The following UNC5D variants were observed in gnomAD, a reference collection of about 807,000 sequenced individuals.
UNC5D encodes unc-5 netrin receptor D, also known as netrin receptor UNC5D.
In UNC5D, 39 loss-of-function variants were observed where a neutral mutation model predicts 105.4. The observed-to-expected ratio is 0.37, with a 90% CI of 0.29 to 0.48. The LOEUF is 0.48. UNC5D is among the 20% of genes least tolerant of loss of function. UNC5D has a pLI of 0.98. For synonymous variants in UNC5D, 452 were observed against 450.4 expected, an observed-to-expected ratio of 1.00 and a Z score of -0.04; for missense variants, 991 against 1,202.4, an observed-to-expected ratio of 0.82 and a Z score of 2.60.
At chr8:35,262,920 C>T (rs1281963000) in intron 1 of UNC5D, among the ~76,000 whole-genome samples, 4 of 152,124 alleles carry the variant, frequency 2.6e-5, no homozygotes, top group Non-Finnish European at 5.9e-5. Flanking sequence ...CTAAAAGCCT[C>T]TTGTTATTTT....
At chr8:35,356,715 C>A (rs962555017) in intron 1 of UNC5D, among the ~76,000 whole-genome samples, 13 of 151,858 alleles carry the variant, frequency 8.6e-5, no homozygotes, top group African/African-American at 3.1e-4. Context: ...ATGGCCAATC[C>A]AAATTGCCTG....
chr8:35,470,667 G>T (rs1333286101), intron 1 of UNC5D, among the ~76,000 whole-genome samples: 5 of 151,128 alleles, frequency 3.3e-5, no homozygotes, highest in Non-Finnish European at 5.9e-5. Flanking sequence ...TACTTGGGAG[G>T]TTGAGGTGGG....
chr8:35,411,228 C>T (rs1262566593), intron 1 of UNC5D, among the ~76,000 whole-genome samples: 1 of 152,046 alleles, frequency 6.6e-6, no homozygotes, highest in African/African-American at 2.4e-5. Context: ...TTGTTTTTAT[C>T]TTGGTGTAAA....
rs569305846 is a variant in UNC5D, at chr8:35,510,554, C to T, written c.104-38738C>T. ...GAGGTTGTAATAAATAGCCTCTTAC[C>T]ACCTCTGCCTCATGAGGTGGCCCTG... On this transcript the variant is annotated intron_variant, in intron 1 of 16. Coordinates refer to ENST00000404895, the MANE Select transcript of UNC5D (RefSeq NM_080872.4). 3.3e-5 allele frequency among the ~76,000 whole-genome samples: 5 copies of T among 152,162 alleles called. No individual in the cohort carries two copies. In the East Asian group the frequency reaches 9.7e-4, roughly 29 times the overall value.
chr8:35,320,534 G>A (rs1528725), intron 1 of UNC5D, among the ~76,000 whole-genome samples: 136,017 of 152,144 alleles, frequency 0.89, 60,852 homozygotes, highest in East Asian at 1. Context: ...ACAGGTTTGC[G>A]TGGCCATTTC....
chr8:35,276,250 T>C (rs1805771518), intron 1 of UNC5D, among the ~76,000 whole-genome samples: 1 of 152,208 alleles, frequency 6.6e-6, no homozygotes, highest in Non-Finnish European at 1.5e-5. Flanking sequence ...TATTGACATA[T>C]AATAGATCAA....
intron 4 of UNC5D, among the ~76,000 whole-genome samples, chr8:35,673,459 A>C (rs1258127813): frequency 1.3e-5 from 2 of 152,230 alleles, no homozygotes; most frequent in Non-Finnish European, 2.9e-5. Context: ...GACGCCTAAG[A>C]AAATGGCTAA....
chr8:35,564,395 G>A (rs1004165653), intron 2 of UNC5D, among the ~76,000 whole-genome samples: 1 of 152,114 alleles, frequency 6.6e-6, no homozygotes, highest in Non-Finnish European at 1.5e-5. Context: ...GAATATTGAA[G>A]TCGCTTTACC....
intron 1 of UNC5D, among the ~76,000 whole-genome samples, chr8:35,245,746 T>C (rs1372399180): frequency 1.3e-5 from 2 of 152,098 alleles, no homozygotes; most frequent in African/African-American, 2.4e-5. Flanking sequence ...GAGAAGACCA[T>C]TGTAGAGTCA....
chr8:35,514,711 C>A (rs1393574303), intron 1 of UNC5D, among the ~76,000 whole-genome samples: 1 of 152,198 alleles, frequency 6.6e-6, no homozygotes, highest in Non-Finnish European at 1.5e-5. Context: ...AAGAAATCAA[C>A]ATTTTAAAAT....
intron 4 of UNC5D, among the ~76,000 whole-genome samples, chr8:35,595,989 G>A (rs763914075): frequency 6.6e-5 from 10 of 152,270 alleles, no homozygotes; most frequent in Admixed American, 4.6e-4. Flanking sequence ...ATTGGCTTAT[G>A]GAACAAATCT....
intron 16 of UNC5D, among the ~76,000 whole-genome samples, chr8:35,782,968 C>G (rs1204919362): frequency 1.3e-5 from 2 of 151,888 alleles, no homozygotes; most frequent in Non-Finnish European, 2.9e-5. Context: ...GACCCCATAT[C>G]TACCAAAAAT....
chr8:35,618,377 A>T (rs1285793824), intron 4 of UNC5D, among the ~76,000 whole-genome samples: 1 of 152,228 alleles, frequency 6.6e-6, no homozygotes, highest in Non-Finnish European at 1.5e-5. Flanking sequence ...AGTTTTAATT[A>T]ACTCATAAGA....
chr8:35,790,739 G>A lies in UNC5D; in HGVS notation c.*176G>A. Reference sequence around the variant, plus strand: ...ATAGGTAAAACATGTTAATAGGGAAGAGTACAAGCTCTCTTACATATAAGA... The same window carrying A: ...ATAGGTAAAACATGTTAATAGGGAAAAGTACAAGCTCTCTTACATATAAGA... On this transcript the variant is annotated 3_prime_UTR_variant, in exon 17 of 17. Transcript: ENST00000404895. 1 of 659,794 alleles carries A rather than the reference G, an allele frequency of 1.5e-6. No homozygotes were observed. Among genetic ancestry groups the A allele is most frequent in the Non-Finnish European group, 2.6e-6 (1 of 386,370 alleles). 40.9% of individuals were successfully genotyped at this position (659,794 alleles called of 1,614,324 possible).
At chr8:35,392,371 C>G (rs1216246911) in intron 1 of UNC5D, among the ~76,000 whole-genome samples, 1 of 152,144 alleles carries the variant, frequency 6.6e-6, no homozygotes, top group Non-Finnish European at 1.5e-5. Context: ...GCCATCACAC[C>G]CAGCCAATTG....
intron 1 of UNC5D, among the ~76,000 whole-genome samples, chr8:35,336,588 G>T (rs1458350246): frequency 1.3e-5 from 2 of 152,160 alleles, no homozygotes; most frequent in Non-Finnish European, 1.5e-5. Context: ...AGGAGACACA[G>T]CTGAGCTCCC....
chr8:35,582,090 T>A (rs1818496665), intron 3 of UNC5D, among the ~76,000 whole-genome samples: 1 of 152,192 alleles, frequency 6.6e-6, no homozygotes, highest in Non-Finnish European at 1.5e-5. Flanking sequence ...GCAAACCAGA[T>A]CATGCTATTC....
intron 1 of UNC5D, among the ~76,000 whole-genome samples, chr8:35,370,710 T>C (rs1802381570): frequency 6.6e-6 from 1 of 152,182 alleles, no homozygotes; most frequent in Non-Finnish European, 1.5e-5. Flanking sequence ...ATTGAATCTA[T>C]TCTGTTTGTT....
chr8:35,284,955 G>T (rs1806482188), intron 1 of UNC5D, among the ~76,000 whole-genome samples: 1 of 152,040 alleles, frequency 6.6e-6, no homozygotes, highest in Non-Finnish European at 1.5e-5. Flanking sequence ...CTTTTGACCT[G>T]GGGTGCTTTT....
Sources: allele counts gnomAD v4.1 joint callset (sites outside exome capture counted in the v4.1 genomes callset), GRCh38; gene constraint gnomAD v4.1.1; transcripts MANE v1.5; gene names NCBI Gene and HGNC (gene_info 2026-07-23, HGNC 2026-07-21).